HS3ST4: variants seen among roughly 807,000 people sequenced by gnomAD.
HS3ST4 encodes heparan sulfate glucosamine 3-O-sulfotransferase 4.
A neutral mutation model predicts 29.2 loss-of-function variants in HS3ST4; 17 were observed. That is an observed-to-expected ratio of 0.58 (90% CI 0.40 to 0.87). The LOEUF (loss-of-function observed/expected upper bound fraction) is 0.87, where lower values mean the gene tolerates loss of function less well. Ranked by LOEUF, HS3ST4 falls within the 40% of genes least tolerant of loss-of-function variation. The probability of loss-of-function intolerance (pLI) is 0.00; values close to 1 mark genes in which losing one functional copy is unlikely to be tolerated. For missense variants in HS3ST4, 627 were observed against 634.5 expected (o/e 0.99, Z 0.13); for synonymous variants, 314 against 285.7 (o/e 1.10, Z -1.00).
rs577371237 is a variant in HS3ST4 at position 26,031,701 on chromosome 16, C to T, written c.735-103911C>T. Among the ~76,000 whole-genome samples the T allele has an allele frequency of 1.7e-4, 24 of 143,238 alleles. No homozygotes were observed. In the East Asian group the frequency reaches 1.7e-3, roughly 10 times the overall value. 94.0% of individuals were successfully genotyped at this position (143,238 alleles called of 152,430 possible). A position where few individuals can be genotyped will look rare whatever the true frequency, so the allele number is the denominator to read the frequency against. ...ACAGGGCCCAGCAGAAAGATGGAGG[C>T]GTGTTTTTTTTTTTTTTCCAAGCCA... On this transcript the variant is annotated intron_variant, in intron 1 of 1. Coordinates refer to ENST00000331351, the MANE Select transcript of HS3ST4 (RefSeq NM_006040.3).
intron 1 of HS3ST4, among the ~76,000 whole-genome samples, chr16:26,070,696 T>TG (rs2141777080): frequency 1.3e-5 from 2 of 152,312 alleles, no homozygotes; most frequent in South Asian, 4.1e-4. Context: ...ACTTCCCTAT[T>TG]GAAACAACTC....
At chr16:25,850,021 C>T (rs1296216266) in intron 1 of HS3ST4, among the ~76,000 whole-genome samples, 6 of 121,848 alleles carry the variant, frequency 4.9e-5, no homozygotes, top group Non-Finnish European at 6.8e-5. Flanking sequence ...TTTTTTGAGA[C>T]GGAGTTTTGC....
At chr16:25,857,433 C>G (rs767110151) in intron 1 of HS3ST4, among the ~76,000 whole-genome samples, 3 of 152,106 alleles carry the variant, frequency 2.0e-5, no homozygotes, top group Non-Finnish European at 4.4e-5. Context: ...GTAACTGAAA[C>G]CTTACATTGT....
At chr16:26,029,524 T>G (rs1969513185) in intron 1 of HS3ST4, among the ~76,000 whole-genome samples, 1 of 152,148 alleles carries the variant, frequency 6.6e-6, no homozygotes, top group Admixed American at 6.5e-5. Context: ...GTGATTCTCC[T>G]GCCTCAGCCT....
At chr16:26,093,737 G>A (rs562054082) in intron 1 of HS3ST4, among the ~76,000 whole-genome samples, 1 of 152,260 alleles carries the variant, frequency 6.6e-6, no homozygotes, top group South Asian at 2.1e-4. Context: ...TGCCAGCAAC[G>A]GAACAAAGCT....
intron 1 of HS3ST4, among the ~76,000 whole-genome samples, chr16:26,014,953 C>T (rs537506251): frequency 6.6e-6 from 1 of 152,282 alleles, no homozygotes; most frequent in South Asian, 2.1e-4. Flanking sequence ...ATATGGTGAA[C>T]TAGAGCTAAT....
intron 1 of HS3ST4, among the ~76,000 whole-genome samples, chr16:25,768,297 T>C (rs561906483): frequency 6.6e-6 from 1 of 152,346 alleles, no homozygotes; most frequent in African/African-American, 2.4e-5. Flanking sequence ...TTTTAAAAAA[T>C]TGACATAACT....
At chr16:25,906,223 G>A (rs1181347687) in intron 1 of HS3ST4, among the ~76,000 whole-genome samples, 1 of 152,140 alleles carries the variant, frequency 6.6e-6, no homozygotes, top group Non-Finnish European at 1.5e-5. Flanking sequence ...GTGGGAGGCA[G>A]TCTCACTTTT....
chr16:25,710,604 A>G (rs949349299), intron 1 of HS3ST4, among the ~76,000 whole-genome samples: 7 of 152,104 alleles, frequency 4.6e-5, no homozygotes, highest in Admixed American at 2.0e-4. Context: ...TTGCTCATCC[A>G]GTCGCTATTA....
chr16:25,925,086 G>T (rs1456324643), intron 1 of HS3ST4, among the ~76,000 whole-genome samples: 1 of 151,840 alleles, frequency 6.6e-6, no homozygotes, highest in Non-Finnish European at 1.5e-5. Flanking sequence ...TCAGAATGGA[G>T]GTTGGAAATC....
chr16:25,703,383 G>A (rs1429835848), intron 1 of HS3ST4, among the ~76,000 whole-genome samples: 1 of 152,194 alleles, frequency 6.6e-6, no homozygotes, highest in African/African-American at 2.4e-5. Context: ...TTGGCTCCGA[G>A]TATTGAATTC....
intron 1 of HS3ST4, among the ~76,000 whole-genome samples, chr16:25,860,956 A>G (rs913655411): frequency 6.6e-6 from 1 of 152,160 alleles, no homozygotes; most frequent in African/African-American, 2.4e-5. Flanking sequence ...GGGAGGCTGT[A>G]TGTGGAGGGG....
chr16:26,055,843 C>T (rs1214526461), intron 1 of HS3ST4, among the ~76,000 whole-genome samples: 1 of 152,098 alleles, frequency 6.6e-6, no homozygotes, highest in African/African-American at 2.4e-5. Context: ...TGCTAACCGT[C>T]TGATGGATTT....
intron 1 of HS3ST4, among the ~76,000 whole-genome samples, chr16:25,824,489 A>G: frequency 6.6e-6 from 1 of 152,200 alleles, no homozygotes; most frequent in African/African-American, 2.4e-5. Flanking sequence ...CTTACATGGC[A>G]GCAGGCAAGA....
chr16:25,750,747 C>T (rs374014607), intron 1 of HS3ST4, among the ~76,000 whole-genome samples: 10 of 152,242 alleles, frequency 6.6e-5, no homozygotes, highest in Admixed American at 1.3e-4. Flanking sequence ...TGCATGTGAA[C>T]GTGTATGCCT....
intron 1 of HS3ST4, among the ~76,000 whole-genome samples, chr16:26,064,020 G>T (rs1279530890): frequency 1.3e-5 from 2 of 152,158 alleles, no homozygotes; most frequent in East Asian, 1.9e-4. Context: ...AGATCTTAGG[G>T]AGTCGATTAG....
intron 1 of HS3ST4, among the ~76,000 whole-genome samples, chr16:25,980,907 G>A (rs559479633): frequency 5.6e-4 from 86 of 152,228 alleles, no homozygotes; most frequent in African/African-American, 2.0e-3. Context: ...AAGAATGGGC[G>A]AGGCAGTGCA....
chr16:25,692,724 C>T lies in HS3ST4; in HGVS notation c.307C>T (p.Leu103=). 7.9e-7 allele frequency: 1 copy of T among 1,262,148 alleles called. No homozygotes were observed. Among genetic ancestry groups the T allele is most frequent in the Non-Finnish European group, 9.9e-7 (1 of 1,006,496 alleles). 78.2% of individuals were successfully genotyped at this position (1,262,148 alleles called of 1,614,324 possible). Residue 103 remains leucine, a synonymous_variant, in exon 1 of 2, where the codon CTG becomes TTG. Transcript: ENST00000331351. The part of the protein sequence containing the change: ...APSQPPAPPP[L]DNASHGEPPE... ...CTCGCAGCCGCCCGCGCCGCCGCCG[C>T]TGGACAACGCGAGCCACGGGGAGCC...
At chr16:25,920,497 G>T (rs1968337082) in intron 1 of HS3ST4, among the ~76,000 whole-genome samples, 1 of 151,798 alleles carries the variant, frequency 6.6e-6, no homozygotes, top group Non-Finnish European at 1.5e-5. Flanking sequence ...CAAACACTCT[G>T]GCCCTCCCTG....
Sources: gnomAD v4.1 joint callset for allele counts (sites outside exome capture counted in the v4.1 genomes callset) on GRCh38, gnomAD v4.1.1 for gene constraint, MANE v1.5 for transcripts, NCBI Gene and HGNC (gene_info 2026-07-23, HGNC 2026-07-21) for gene names.